Variants in ATP9A observed in about 807,000 individuals in gnomAD.
ATP9A encodes the protein probable phospholipid-transporting ATPase IIA.
In ATP9A, 52 loss-of-function variants were observed where a neutral mutation model predicts 144.1. The ratio of observed to expected loss-of-function variants is 0.36; its 90% confidence interval spans 0.29 to 0.45. ATP9A has a LOEUF of 0.45. Ranked by LOEUF, ATP9A falls within the 20% of genes least tolerant of loss-of-function variation. The pLI is 1.00. For synonymous variants in ATP9A, 582 were observed against 557.4 expected, an observed-to-expected ratio of 1.04 and a Z score of -0.62; for missense variants, 947 against 1,392.7, an observed-to-expected ratio of 0.68 and a Z score of 5.09.
At chr20:51,614,589 C>T (rs1444327378) in intron 22 of ATP9A, among the ~76,000 whole-genome samples, 1 of 152,190 alleles carries the variant, frequency 6.6e-6, no homozygotes, top group Non-Finnish European at 1.5e-5. Context: ...GCATGAGCAG[C>T]TGCACCTGGC....
At chr20:51,621,309 T>C (rs75134973) in intron 19 of ATP9A, among the ~76,000 whole-genome samples, 27 of 152,290 alleles carry the variant, frequency 1.8e-4, no homozygotes, top group African/African-American at 5.8e-4. Flanking sequence ...TACAATACTA[T>C]GCTATTTCAA....
At chr20:51,635,832 G>GGAAGGAAGGAAGGAAGGAAA (rs2077289521) in intron 15 of ATP9A, among the ~76,000 whole-genome samples, 2 of 111,436 alleles carry the variant, frequency 1.8e-5, no homozygotes, top group Admixed American at 8.6e-5. Context: ...AAGGGAGGGA[G>GGAAGGAAGGAAGGAAGGAAA]GGAGGGAGGG....
chr20:51,751,010 C>T (rs2077829117), intron 1 of ATP9A, among the ~76,000 whole-genome samples: 3 of 152,172 alleles, frequency 2.0e-5, no homozygotes, highest in Non-Finnish European at 1.5e-5. Context: ...AGGCAGGAGG[C>T]TGGACGTGGC....
rs917037516 is a variant in ATP9A at position 51,719,748 on chromosome 20, G to A, written c.327+6071C>T. ...CTCTGTCTCAAAAAAAAAAAAAAGGGGGGGGAAGAAGAAACGGGCTGGGCA... is the reference window on the plus strand; with the variant it reads ...CTCTGTCTCAAAAAAAAAAAAAAGGAGGGGGAAGAAGAAACGGGCTGGGCA... On this transcript the variant is annotated intron_variant, in intron 3 of 27. Coordinates refer to ENST00000338821, the MANE Select transcript of ATP9A (RefSeq NM_006045.3). 2.0e-3 allele frequency among the ~76,000 whole-genome samples: 181 copies of A among 92,152 alleles called. 3 individuals are homozygous for A. The highest frequency in any genetic ancestry group is 4.8e-3 in the African/African-American group (161 of 33,608). The allele number at this position is 92,152 out of a possible 152,430, so 60.5% of individuals were successfully genotyped here.
intron 6 of ATP9A, among the ~76,000 whole-genome samples, chr20:51,694,887 G>A (rs754571517): frequency 6.6e-6 from 1 of 152,118 alleles, no homozygotes. Flanking sequence ...AAGAAAAAAA[G>A]AGCATGTCAG....
chr20:51,684,472 G>T (rs2077513483), intron 9 of ATP9A, among the ~76,000 whole-genome samples: 3 of 151,820 alleles, frequency 2.0e-5, no homozygotes, highest in Admixed American at 1.3e-4. Flanking sequence ...TGAGGCGGGT[G>T]GATCACGAGG....
At chr20:51,618,512 CAA>C (rs2077212568) in intron 21 of ATP9A, 148 bp downstream of exon 21, 1 of 1,160,680 alleles carries the variant, frequency 8.6e-7, no homozygotes, top group African/African-American at 1.6e-5. Flanking sequence ...CAAAAAGAGC[CAA>C]AGTCTGAGAG....
At chr20:51,625,495 C>A in intron 17 of ATP9A, 133 bp from the exon 18 acceptor site, 4 of 1,024,900 alleles carry the variant, frequency 3.9e-6, no homozygotes, top group Non-Finnish European at 5.5e-6. Flanking sequence ...GTGAGCTGGA[C>A]CCCACAGGGG....
chr20:51,679,086 G>A (rs999645882), intron 9 of ATP9A, among the ~76,000 whole-genome samples: 1 of 152,184 alleles, frequency 6.6e-6, no homozygotes, highest in Non-Finnish European at 1.5e-5. Context: ...CACTTTGGGA[G>A]GCCGAGACAG....
intron 4 of ATP9A, among the ~76,000 whole-genome samples, chr20:51,704,326 T>C (rs1232516900): frequency 2.0e-5 from 3 of 151,248 alleles, no homozygotes; most frequent in African/African-American, 7.3e-5. Flanking sequence ...AGGGGGGAAA[T>C]AAATACCTTT....
chr20:51,738,283 G>A (rs2077770938), intron 1 of ATP9A, among the ~76,000 whole-genome samples: 1 of 152,106 alleles, frequency 6.6e-6, no homozygotes, highest in Non-Finnish European at 1.5e-5. Flanking sequence ...ACCCACCCGT[G>A]ACCTCCCAAA....
chr20:51,632,180 A>G (rs1186461991), intron 15 of ATP9A, among the ~76,000 whole-genome samples: 1 of 152,044 alleles, frequency 6.6e-6, no homozygotes, highest in Non-Finnish European at 1.5e-5. Context: ...AGTGACCTCA[A>G]CCTGGACCTC....
chr20:51,678,699 T>C (rs1601099226), intron 9 of ATP9A, among the ~76,000 whole-genome samples: 3 of 152,228 alleles, frequency 2.0e-5, no homozygotes, highest in African/African-American at 4.8e-5. Flanking sequence ...CATCCACTCC[T>C]ATGCAGATGC....
chr20:51,652,287 C>T (rs2077369852), intron 14 of ATP9A, among the ~76,000 whole-genome samples: 2 of 152,212 alleles, frequency 1.3e-5, no homozygotes. Flanking sequence ...TAATCGATAG[C>T]TGAATAAAGA....
Position 51,757,075 on chromosome 20 carries a change from G to T in ATP9A, c.68+11227C>A, listed in dbSNP as rs186547675. ...CTTGATTGTCACAAGGTGGGGAGGGGATGGCACTGGCATCTAGTGGGCAGA... is the reference window on the plus strand; with the variant it reads ...CTTGATTGTCACAAGGTGGGGAGGGTATGGCACTGGCATCTAGTGGGCAGA... On this transcript the variant is annotated intron_variant, in intron 1 of 27. Coordinates refer to ENST00000338821, the MANE Select transcript of ATP9A (RefSeq NM_006045.3). Among the ~76,000 whole-genome samples the T allele has an allele frequency of 2.0e-4, 31 of 152,266 alleles. 1 individual carries two copies. The East Asian group carries it at 5.8e-3, about 29-fold the overall frequency.
At chr20:51,744,928 G>A (rs2077801154) in intron 1 of ATP9A, among the ~76,000 whole-genome samples, 4 of 152,092 alleles carry the variant, frequency 2.6e-5, no homozygotes, top group African/African-American at 4.8e-5. Context: ...TCAGGAGTTC[G>A]AGACCAGCCT....
At chr20:51,757,675 T>G (rs754938400) in intron 1 of ATP9A, among the ~76,000 whole-genome samples, 5 of 152,040 alleles carry the variant, frequency 3.3e-5, no homozygotes, top group African/African-American at 1.2e-4. Context: ...CAGGCAGAGG[T>G]TGGCGGACTG....
intron 3 of ATP9A, among the ~76,000 whole-genome samples, chr20:51,717,879 G>A (rs1257770029): frequency 2.6e-5 from 4 of 151,876 alleles, no homozygotes; most frequent in East Asian, 1.9e-4. Flanking sequence ...ACTTGAACCC[G>A]GGAGGTGGAG....
At chr20:51,764,530 A>G (rs567846987) in intron 1 of ATP9A, among the ~76,000 whole-genome samples, 2 of 152,362 alleles carry the variant, frequency 1.3e-5, no homozygotes, top group South Asian at 2.1e-4. Flanking sequence ...AAATAACTGC[A>G]TTCTGTCCCC....
Sources: gnomAD v4.1 joint callset for allele counts (sites outside exome capture counted in the v4.1 genomes callset) on GRCh38, gnomAD v4.1.1 for gene constraint, MANE v1.5 for transcripts, NCBI Gene and HGNC (gene_info 2026-07-23, HGNC 2026-07-21) for gene names.